THSD4: variants seen among roughly 807,000 people sequenced by gnomAD.
THSD4 encodes thrombospondin type-1 domain-containing protein 4.
Under a neutral mutation model 119.0 loss-of-function variants are expected in THSD4, and 69 were observed. The observed-to-expected ratio is 0.58, with a 90% CI of 0.48 to 0.71. THSD4 has a LOEUF of 0.71. THSD4 is among the 30% of genes least tolerant of loss of function. The probability of loss-of-function intolerance (pLI) is 0.00; values close to 1 mark genes in which losing one functional copy is unlikely to be tolerated. For synonymous variants in THSD4, 524 were observed against 540.4 expected (o/e 0.97, Z 0.42); for missense variants, 1,393 against 1,391.1 (o/e 1.00, Z -0.02).
chr15:71,567,765 A>AAG (rs746787658), intron 7 of THSD4, among the ~76,000 whole-genome samples: 8 of 132,784 alleles, frequency 6.0e-5, no homozygotes, highest in South Asian at 5.2e-4. Flanking sequence ...TGGAGAGAGA[A>AAG]AGAGAGAGAG....
At chr15:71,346,735 C>T (rs2140398667) in intron 6 of THSD4, among the ~76,000 whole-genome samples, 1 of 152,226 alleles carries the variant, frequency 6.6e-6, no homozygotes. Flanking sequence ...TCAAACAGAG[C>T]TGGGCAATGC....
At chr15:71,732,152 T>G (rs1476092588) in intron 10 of THSD4, 1 of 152,264 alleles carries the variant, frequency 6.6e-6, no homozygotes, top group Non-Finnish European at 1.5e-5. Flanking sequence ...ATCTGTAATT[T>G]AGTCTCACCT....
chr15:71,350,846 C>T lies in THSD4; in HGVS notation c.1016-60841C>T, dbSNP rs554838556. The stretch of plus-strand genomic sequence containing the variant: ...CAAGTGTATCATTCCAGGCAAACCA[C>T]GTGGCCACACTTTTGTATTAAGCTT... On this transcript the variant is annotated intron_variant, in intron 6 of 17. Coordinates refer to ENST00000261862, the MANE Select transcript of THSD4 (RefSeq NM_024817.3). 7.2e-5 allele frequency among the ~76,000 whole-genome samples: 11 copies of T among 152,292 alleles called. No individual in the cohort carries two copies. The South Asian group carries it at 2.1e-3, about 29-fold the overall frequency.
rs1274921271 is a variant in THSD4 at position 71,771,055 on chromosome 15, C to G, written c.2770-9C>G. On this transcript the variant is annotated splice_polypyrimidine_tract_variant and intron_variant, in intron 16 of 17. Coordinates refer to ENST00000261862, the MANE Select transcript of THSD4 (RefSeq NM_024817.3). ...AAAAATCTGATGTTTTCCCTTTGTTCCCATGCAGTGTTCCAAGAGCTGCCA... is the reference window on the plus strand; with the variant it reads ...AAAAATCTGATGTTTTCCCTTTGTTGCCATGCAGTGTTCCAAGAGCTGCCA... The G allele has an allele frequency of 1.9e-6, 3 of 1,613,376 alleles. No individual in the cohort carries two copies. The highest frequency in any genetic ancestry group is 2.5e-6 in the Non-Finnish European group (3 of 1,179,738).
intron 6 of THSD4, among the ~76,000 whole-genome samples, chr15:71,287,417 A>G (rs747774687): frequency 6.6e-5 from 10 of 152,210 alleles, no homozygotes; most frequent in South Asian, 2.1e-4. Flanking sequence ...ACCCATTGCT[A>G]TATCTGTAAT....
rs539167396 is a variant in THSD4, at chr15:71,520,425, C to T, written c.1152+108602C>T. 6.6e-5 allele frequency among the ~76,000 whole-genome samples: 10 copies of T among 152,232 alleles called. No individual in the cohort carries two copies. The South Asian group carries it at 1.0e-3, about 16-fold the overall frequency. Reference sequence around the variant, plus strand: ...GTGACTGCTCTTTCTTGAAGCTTCCCGTGGGGTGGGGCCCAGGGCCTCCTC... The same window carrying T: ...GTGACTGCTCTTTCTTGAAGCTTCCTGTGGGGTGGGGCCCAGGGCCTCCTC... On this transcript the variant is annotated intron_variant, in intron 7 of 17. Coordinates refer to ENST00000261862, the MANE Select transcript of THSD4 (RefSeq NM_024817.3).
At chr15:71,102,468 A>G (rs1378650050) in intron 1 of THSD4, among the ~76,000 whole-genome samples, 1 of 151,996 alleles carries the variant, frequency 6.6e-6, no homozygotes, top group African/African-American at 2.4e-5. Context: ...CTATTGATCT[A>G]TCTTTAAGTT....
In THSD4 at chr15:71,329,618, G is replaced by A. The variant is rs771136491; in HGVS notation, c.1015+72903G>A. ...ATGTCATGTCTCAGGCAGTATGCTGGACATTCCCGAGACGCCAGCTCTGCT... is the reference window on the plus strand; with the variant it reads ...ATGTCATGTCTCAGGCAGTATGCTGAACATTCCCGAGACGCCAGCTCTGCT... On this transcript the variant is annotated intron_variant, in intron 6 of 17. Coordinates refer to ENST00000261862, the MANE Select transcript of THSD4 (RefSeq NM_024817.3). 3.3e-4 allele frequency among the ~76,000 whole-genome samples: 50 copies of A among 152,152 alleles called. 1 individual carries two copies. Among genetic ancestry groups the A allele is most frequent in the Non-Finnish European group, 4.9e-4 (33 of 68,026 alleles).
At chr15:71,645,443 A>G (rs1196328444) in intron 7 of THSD4, among the ~76,000 whole-genome samples, 2 of 152,150 alleles carry the variant, frequency 1.3e-5, no homozygotes, top group Non-Finnish European at 2.9e-5. Context: ...CATGGGGGAA[A>G]CTGCCCCCAT....
At chr15:71,406,419 A>G (rs565736792) in intron 6 of THSD4, among the ~76,000 whole-genome samples, 179 of 152,214 alleles carry the variant, frequency 1.2e-3, no homozygotes, top group Non-Finnish European at 1.8e-3. Flanking sequence ...TTGATCTTCT[A>G]TAGATGTCTC....
chr15:71,309,201 C>A (rs1177179531), intron 6 of THSD4, among the ~76,000 whole-genome samples: 1 of 152,186 alleles, frequency 6.6e-6, no homozygotes, highest in African/African-American at 2.4e-5. Flanking sequence ...CCGCCTGTCT[C>A]AGCCTCCCAA....
chr15:71,399,360 G>A (rs1192268592), intron 6 of THSD4, among the ~76,000 whole-genome samples: 2 of 152,286 alleles, frequency 1.3e-5, no homozygotes, highest in East Asian at 3.9e-4. Context: ...GTAGGACTAA[G>A]CCAGTTACAT....
At chr15:71,590,744 C>T (rs1233773453) in intron 7 of THSD4, among the ~76,000 whole-genome samples, 3 of 152,110 alleles carry the variant, frequency 2.0e-5, no homozygotes, top group African/African-American at 7.2e-5. Context: ...TGGCTCACGC[C>T]TGTAATCCCA....
intron 7 of THSD4, among the ~76,000 whole-genome samples, chr15:71,654,617 T>C (rs2051153751): frequency 6.6e-6 from 1 of 152,218 alleles, no homozygotes; most frequent in Non-Finnish European, 1.5e-5. Context: ...AACAGGAAGA[T>C]ATTTATCATA....
intron 8 of THSD4, among the ~76,000 whole-genome samples, chr15:71,687,347 A>C (rs2051932646): frequency 6.6e-6 from 1 of 152,188 alleles, no homozygotes; most frequent in African/African-American, 2.4e-5. Flanking sequence ...AGGACCAGGA[A>C]GCTATAACCA....
chr15:71,173,972 C>G (rs2043412181), intron 3 of THSD4, among the ~76,000 whole-genome samples: 1 of 152,064 alleles, frequency 6.6e-6, no homozygotes, highest in Admixed American at 6.5e-5. Context: ...AAACCTGGAA[C>G]TATAAAACTC....
chr15:71,110,932 G>C (rs2040299314), upstream of THSD4: 1 of 585,736 alleles, frequency 1.7e-6, no homozygotes, highest in African/African-American at 1.9e-5. Context: ...CCATTGTCTA[G>C]GCCTAGTTAA....
chr15:71,375,014 C>T (rs1158810789), intron 6 of THSD4, among the ~76,000 whole-genome samples: 1 of 152,136 alleles, frequency 6.6e-6, no homozygotes, highest in Non-Finnish European at 1.5e-5. Context: ...CCCCAGAAGC[C>T]CACAGAAGGG....
In THSD4 at chr15:71,215,095, G is replaced by C; in HGVS notation, c.160G>C (p.Gly54Arg). 7.6e-7 allele frequency: 1 copy of C among 1,321,588 alleles called. No individual in the cohort carries two copies. Among genetic ancestry groups the C allele is most frequent in the Non-Finnish European group, 9.7e-7 (1 of 1,034,864 alleles). 81.9% of individuals were successfully genotyped at this position (1,321,588 alleles called of 1,614,324 possible). Reference sequence around the variant, plus strand: ...GGACGACGGCGGCGGCGGCGCCCCGGGAGTGTGGGGCGCCTGGGGCCCCTG... The same window carrying C: ...GGACGACGGCGGCGGCGGCGCCCCGCGAGTGTGGGGCGCCTGGGGCCCCTG... ...PEDDGGGGAP[G>R]VWGAWGPWSA... is the part of the protein sequence containing the mutation. The change falls in exon 4 of 18, where the codon GGA becomes CGA. Residue 54 changes from glycine to arginine, a missense_variant. Transcript: ENST00000261862.
Sources: allele counts gnomAD v4.1 joint callset (sites outside exome capture counted in the v4.1 genomes callset), GRCh38; gene constraint gnomAD v4.1.1; transcripts MANE v1.5; gene names NCBI Gene and HGNC (gene_info 2026-07-23, HGNC 2026-07-21).